Variants in SHE observed in about 807,000 individuals in gnomAD.
SHE encodes the protein SH2 domain-containing adapter protein E.
SHE carries 11 observed loss-of-function variants against 49.8 expected under a neutral mutation model. The observed-to-expected ratio is 0.22, with a 90% CI of 0.14 to 0.37. SHE has a LOEUF of 0.37. Among genes scored for constraint, SHE ranks in the 10% least tolerant of loss-of-function variants. The pLI, the probability that SHE is intolerant of heterozygous loss-of-function variation, is 1.00. For synonymous variants in SHE, 310 were observed against 278.1 expected, an observed-to-expected ratio of 1.11 and a Z score of -1.14; for missense variants, 624 against 655.5, an observed-to-expected ratio of 0.95 and a Z score of 0.52.
chr1:154,481,231 G>A lies in SHE; in HGVS notation c.*2918C>T, dbSNP rs185175432. 110 of 985,398 alleles carry A rather than the reference G, an allele frequency of 1.1e-4. No individual in the cohort carries two copies. The East Asian group carries it at 0.01, about 90-fold the overall frequency. The allele number at this position is 985,398 out of a possible 1,614,324, so 61.0% of individuals were successfully genotyped here. On this transcript the variant is annotated 3_prime_UTR_variant, in exon 6 of 6. Coordinates refer to ENST00000304760, the MANE Select transcript of SHE (RefSeq NM_001010846.3). ...TGGAACTTTGTGCCACCACACAGCT[G>A]TGAACTCCCTGGCTTTTGTCAGCTT...
chr1:154,470,279 C>T (rs1691710759), exon 2 of SHE: 6 of 1,285,368 alleles, frequency 4.7e-6, no homozygotes, highest in Non-Finnish European at 6.1e-6. Context: ...AGGGAGCTGC[C>T]TCCCTTTCTT....
Position 154,502,093 on chromosome 1 carries a change from C to A in SHE, c.-67G>T, listed in dbSNP as rs927079388. The A allele has an allele frequency of 4.2e-6, 5 of 1,186,736 alleles. No homozygotes were observed. The East Asian group carries it at 1.0e-4, about 24-fold the overall frequency. The allele number at this position is 1,186,736 out of a possible 1,614,324, so 73.5% of individuals were successfully genotyped here. ...GACGGCTGCTCCGTGCGCCCCCGGC[C>A]GGCCGTCGCCCACGCCCGGCAGGGT... is the stretch of plus-strand genomic sequence containing the variant. On this transcript the variant is annotated 5_prime_UTR_variant, in exon 1 of 6. Transcript: ENST00000304760.
chr1:154,483,385 C>T lies in SHE; in HGVS notation c.*764G>A. 1.0e-6 allele frequency: 1 copy of T among 985,386 alleles called. No homozygotes were observed. The highest frequency in any genetic ancestry group is 1.2e-6 in the Non-Finnish European group (1 of 829,932). 61.0% of individuals were successfully genotyped at this position (985,386 alleles called of 1,614,324 possible). ...TCTTGCCCGTCATTCACATTTTCTC[C>T]CGCTCATTCATTTCCCCAATAACGA... On this transcript the variant is annotated 3_prime_UTR_variant, in exon 6 of 6. Transcript: ENST00000304760.
chr1:154,474,066 C>A (rs1691817707), intron 1 of SHE, among the ~76,000 whole-genome samples: 1 of 152,248 alleles, frequency 6.6e-6, no homozygotes, highest in South Asian at 2.1e-4. Context: ...CGGCCCCCAG[C>A]CACTGGTGAC....
chr1:154,486,784 C>G (rs1358938487), intron 3 of SHE, 101 bp from the exon 4 acceptor site: 4 of 1,352,378 alleles, frequency 3.0e-6, no homozygotes, highest in Non-Finnish European at 4.1e-6. Context: ...AGGAAAGAAG[C>G]ATTTTCCCCC....
At chr1:154,499,269 A>G in intron 1 of SHE, 31 bp from the exon 2 acceptor site, 1 of 1,602,932 alleles carries the variant, frequency 6.2e-7, no homozygotes, top group Non-Finnish European at 8.5e-7. Flanking sequence ...ACAGTTGCTA[A>G]GGGCCACCGT....
intron 2 of SHE, among the ~76,000 whole-genome samples, chr1:154,492,134 C>T (rs1692386864): frequency 6.6e-6 from 1 of 152,174 alleles, no homozygotes; most frequent in African/African-American, 2.4e-5. Flanking sequence ...AAGTGCAAAA[C>T]TTAGGTATAG....
chr1:154,493,666 T>C (rs1159876347), intron 2 of SHE, among the ~76,000 whole-genome samples: 2 of 152,262 alleles, frequency 1.3e-5, no homozygotes, highest in East Asian at 1.9e-4. Context: ...CAGGTAATTA[T>C]GTCATTCACA....
intron 1 of SHE, among the ~76,000 whole-genome samples, chr1:154,473,809 T>TA (rs879476389): frequency 4.9e-4 from 65 of 133,614 alleles, no homozygotes; most frequent in Middle Eastern, 3.8e-3. Context: ...CCTCAAAAAA[T>TA]AAAAAAAAAA....
rs1183941876 is a variant in SHE at position 154,481,391 on chromosome 1, C to T, written c.*2758G>A. 1.0e-6 allele frequency: 1 copy of T among 985,320 alleles called. No homozygotes were observed. The highest frequency in any genetic ancestry group is 1.7e-5 in the African/African-American group (1 of 57,234). 61.0% of individuals were successfully genotyped at this position (985,320 alleles called of 1,614,324 possible). ...ACAATATGTAAACTCTGCCTCTCCT[C>T]TACTTTTAATTCTATAAAGAATATA... On this transcript the variant is annotated 3_prime_UTR_variant, in exon 6 of 6. Coordinates refer to ENST00000304760, the MANE Select transcript of SHE (RefSeq NM_001010846.3).
At position 154,501,918 on chromosome 1, in the gene SHE, T is replaced by C. The variant is rs1390997326; in HGVS notation, c.109A>G (p.Met37Val). The C allele has an allele frequency of 1.3e-6, 2 of 1,499,294 alleles. No homozygotes were observed. Among genetic ancestry groups the C allele is most frequent in the Non-Finnish European group, 1.8e-6 (2 of 1,133,158 alleles). The allele number at this position is 1,499,294 out of a possible 1,614,324, so 92.9% of individuals were successfully genotyped here. A position where few individuals can be genotyped will look rare whatever the true frequency, so the allele number is the denominator to read the frequency against. Reference sequence around the variant, plus strand: ...AACTCCTTGAACCACTTGGCCGCCATGAGGGGGCCCCGGCCGGCTCGGCCC... The same window carrying C: ...AACTCCTTGAACCACTTGGCCGCCACGAGGGGGCCCCGGCCGGCTCGGCCC... Reference protein sequence around the residue: ...LLGRAGRGPLMAAKWFKEFPL... With the variant: ...LLGRAGRGPLVAAKWFKEFPL... The change falls in exon 1 of 6, where the codon ATG (methionine) becomes GTG (valine). Residue 37 changes from methionine (M) to valine (V), a missense_variant. This residue lies in a region of SHE where 337 missense variants were observed against 306.0 expected (regional missense o/e 1.10). Transcript: ENST00000304760.
At chr1:154,477,027 A>G (rs936500643), downstream of SHE, among the ~76,000 whole-genome samples, 9 of 152,186 alleles carry the variant, frequency 5.9e-5, no homozygotes, top group African/African-American at 2.2e-4. Flanking sequence ...GAATCTCCTC[A>G]AGGTATGTTT....
intron 2 of SHE, among the ~76,000 whole-genome samples, chr1:154,496,870 C>T (rs1192334681): frequency 6.6e-6 from 1 of 151,902 alleles, no homozygotes; most frequent in Admixed American, 6.6e-5. Flanking sequence ...CTACCTACTT[C>T]AGTTAAAGAG....
rs1423342772 is a variant in SHE at position 154,481,923 on chromosome 1, C to T, written c.*2226G>A. ...GGAGTGCAATGGTGCGATCATGGCT[C>T]GCTGCAGCCTTGACCTGAGCAGAGG... On this transcript the variant is annotated 3_prime_UTR_variant, in exon 6 of 6. Coordinates refer to ENST00000304760, the MANE Select transcript of SHE (RefSeq NM_001010846.3). 6.3e-6 allele frequency: 3 copies of T among 479,428 alleles called. No individual in the cohort carries two copies. Among genetic ancestry groups the T allele is most frequent in the East Asian group, 3.1e-4 (2 of 6,550 alleles). 29.7% of individuals were successfully genotyped at this position (479,428 alleles called of 1,614,324 possible). A position where few individuals can be genotyped will look rare whatever the true frequency, so the allele number is the denominator to read the frequency against.
chr1:154,484,666 T>C (rs1692116485), intron 5 of SHE: 1 of 219,192 alleles, frequency 4.6e-6, no homozygotes, highest in Non-Finnish European at 9.1e-6. Context: ...TAAGGTGAGG[T>C]AGAAACTCAT....
downstream of SHE, among the ~76,000 whole-genome samples, chr1:154,477,377 A>AT (rs1050518577): frequency 3.5e-4 from 53 of 151,908 alleles, no homozygotes; most frequent in African/African-American, 1.2e-3. Flanking sequence ...ACCTATTTTA[A>AT]TTTTTTTTAT....
chr1:154,502,157 T>G lies in SHE; in HGVS notation c.-131A>C. The G allele has an allele frequency of 1.5e-6, 1 of 682,938 alleles. No homozygotes were observed. The highest frequency in any genetic ancestry group is 2.0e-6 in the Non-Finnish European group (1 of 508,976). 42.3% of individuals were successfully genotyped at this position (682,938 alleles called of 1,614,324 possible). A position where few individuals can be genotyped will look rare whatever the true frequency, so the allele number is the denominator to read the frequency against. On this transcript the variant is annotated 5_prime_UTR_variant, in exon 1 of 6. Transcript: ENST00000304760. ...CTCGGGGCGCCGAGCGGGCGGGCGC[T>G]AGCCTCTGCTCCGGACACGGCAGGC...
rs1204920324 is a variant in SHE, at chr1:154,502,010, G to C, written c.17C>G (p.Thr6Ser). 3 of 1,383,046 alleles carry C rather than the reference G, an allele frequency of 2.2e-6. No homozygotes were observed. Among genetic ancestry groups the C allele is most frequent in the Non-Finnish European group, 2.8e-6 (3 of 1,076,886 alleles). The allele number at this position is 1,383,046 out of a possible 1,614,324, so 85.7% of individuals were successfully genotyped here. A position where few individuals can be genotyped will look rare whatever the true frequency, so the allele number is the denominator to read the frequency against. ...GCCCAGACACGCAGAGGCGCCAGGGGTCGGGGACCACTGCATTCCCCGTGA... is the reference window on the plus strand; with the variant it reads ...GCCCAGACACGCAGAGGCGCCAGGGCTCGGGGACCACTGCATTCCCCGTGA... MQWSP[T>S]PGASACLGWA... Residue 6 changes from threonine (T) to serine (S), a missense_variant, in exon 1 of 6, where the codon ACC becomes AGC. Thr to Ser is a moderately conservative substitution (Grantham distance 58). Coordinates refer to ENST00000304760, the MANE Select transcript of SHE (RefSeq NM_001010846.3).
chr1:154,490,877 T>A (rs1232851553), intron 2 of SHE, among the ~76,000 whole-genome samples: 1 of 149,668 alleles, frequency 6.7e-6, no homozygotes, highest in Non-Finnish European at 1.5e-5. Flanking sequence ...CAGGATAGAG[T>A]AAATCAAAAA....
Sources: allele counts gnomAD v4.1 joint callset (sites outside exome capture counted in the v4.1 genomes callset), GRCh38; gene constraint gnomAD v4.1.1; regional missense constraint gnomAD v4.1.1; transcripts MANE v1.5; gene names NCBI Gene and HGNC (gene_info 2026-07-23, HGNC 2026-07-21).